Variants in SERPINI2 observed in about 807,000 individuals in gnomAD.
SERPINI2 encodes the protein serpin I2.
A neutral mutation model predicts 47.3 loss-of-function variants in SERPINI2; 48 were observed. The observed-to-expected ratio is 1.02, with a 90% CI of 0.81 to 1.29. The LOEUF (loss-of-function observed/expected upper bound fraction) is 1.29, where lower values mean the gene tolerates loss of function less well. Among genes scored for constraint, SERPINI2 ranks in the 50% most tolerant of loss-of-function variants. The probability of loss-of-function intolerance (pLI) is 0.00; values close to 1 mark genes in which losing one functional copy is unlikely to be tolerated. For missense variants in SERPINI2, 448 were observed against 456.9 expected (o/e 0.98, Z 0.18); for synonymous variants, 135 against 149.3 (o/e 0.90, Z 0.70).
At chr3:167,462,555 C>T (rs1168487358) in intron 5 of SERPINI2, among the ~76,000 whole-genome samples, 1 of 152,198 alleles carries the variant, frequency 6.6e-6, no homozygotes, top group Non-Finnish European at 1.5e-5. Context: ...AATGACCTAA[C>T]TTTCATTACT....
At chr3:167,452,841 G>C in intron 6 of SERPINI2, 95 bp downstream of exon 6, 1 of 701,102 alleles carries the variant, frequency 1.4e-6, no homozygotes, top group Middle Eastern at 2.8e-4. Context: ...ATATTTATCA[G>C]AGCTGAATGC....
intron 2 of SERPINI2, among the ~76,000 whole-genome samples, chr3:167,467,989 T>C (rs535299112): frequency 6.6e-6 from 1 of 152,302 alleles, no homozygotes; most frequent in South Asian, 2.1e-4. Flanking sequence ...TTTTGGACTG[T>C]TCTGACTGTA....
At chr3:167,462,915 AG>A (rs1750024715) in intron 5 of SERPINI2, among the ~76,000 whole-genome samples, 2 of 152,220 alleles carry the variant, frequency 1.3e-5, no homozygotes, top group African/African-American at 4.8e-5. Flanking sequence ...CATTCCTCTA[AG>A]GATTCCTAAA....
intron 8 of SERPINI2, among the ~76,000 whole-genome samples, chr3:167,445,177 A>G (rs748348659): frequency 1.1e-4 from 16 of 152,182 alleles, no homozygotes. Flanking sequence ...GTCTCTCAGC[A>G]TTAGTTTCAT....
chr3:167,468,720 A>G (rs925849540), intron 2 of SERPINI2, among the ~76,000 whole-genome samples: 1 of 152,182 alleles, frequency 6.6e-6, no homozygotes, highest in Non-Finnish European at 1.5e-5. Context: ...CATTTTACTT[A>G]TTTGTACAAT....
intron 6 of SERPINI2, among the ~76,000 whole-genome samples, chr3:167,451,672 T>C (rs2108155539): frequency 6.6e-6 from 1 of 152,372 alleles, no homozygotes; most frequent in South Asian, 2.1e-4. Context: ...GGAAGTATTT[T>C]CTTTAAAAAT....
At chr3:167,461,390 G>T (rs1321075175) in intron 5 of SERPINI2, among the ~76,000 whole-genome samples, 1 of 152,140 alleles carries the variant, frequency 6.6e-6, no homozygotes, top group Admixed American at 6.5e-5. Flanking sequence ...TGGAAATGGG[G>T]AATACAACTG....
upstream of SERPINI2, among the ~76,000 whole-genome samples, chr3:167,476,757 G>A (rs1750490152): frequency 6.6e-6 from 1 of 152,006 alleles, no homozygotes; most frequent in Non-Finnish European, 1.5e-5. Flanking sequence ...GCTGAGGGTA[G>A]AAAAGGTGCA....
intron 5 of SERPINI2, 85 bp from the exon 6 acceptor site, chr3:167,453,118 T>A (rs1749688735): frequency 1.6e-6 from 1 of 619,504 alleles, no homozygotes; most frequent in African/African-American, 1.9e-5. Context: ...ACTTAGAGGA[T>A]AATATATTGT....
rs564347300 is a variant in SERPINI2 at position 167,467,506 on chromosome 3, A to G, written c.248-221T>C. ...CTTTTATATAGAAAAAAGAATGTCC[A>G]TGCAAATTTGAAATTTGTCAAAAAA... is the stretch of plus-strand genomic sequence containing the variant. On this transcript the variant is annotated intron_variant, in intron 2 of 8. Transcript: ENST00000264677. 4.6e-3 allele frequency among the ~76,000 whole-genome samples: 699 copies of G among 152,310 alleles called. 5 individuals carry two copies. The highest frequency in any genetic ancestry group is 0.016 in the African/African-American group (677 of 41,590).
rs545300853 is a variant in SERPINI2 at position 167,469,994 on chromosome 3, G to T, written c.247+1594C>A. 1.1e-4 allele frequency among the ~76,000 whole-genome samples: 17 copies of T among 152,128 alleles called. No individual in the cohort carries two copies. In the South Asian group the frequency reaches 3.3e-3, roughly 30 times the overall value. On this transcript the variant is annotated intron_variant, in intron 2 of 8. Coordinates refer to ENST00000264677, the Ensembl canonical transcript of SERPINI2. ...TGGCTGATATCCTTTCTATATTTTT[G>T]ATAGTGCGTTATTACTATTACTTTA...
exon 9 of SERPINI2, chr3:167,442,100 G>A (rs1195773179): frequency 1.9e-6 from 3 of 1,585,442 alleles, no homozygotes; most frequent in Non-Finnish European, 2.6e-6. Flanking sequence ...CTGAGGCTGT[G>A]CTTTTCATTC....
intron 8 of SERPINI2, among the ~76,000 whole-genome samples, chr3:167,443,753 G>A (rs887286516): frequency 1.8e-4 from 28 of 152,086 alleles, no homozygotes; most frequent in African/African-American, 6.8e-4. Flanking sequence ...AAACCCATTA[G>A]TCCCAGCCTT....
At chr3:167,460,317 C>T (rs879918868) in intron 5 of SERPINI2, among the ~76,000 whole-genome samples, 2 of 152,194 alleles carry the variant, frequency 1.3e-5, no homozygotes, top group Admixed American at 6.5e-5. Context: ...ATTGAGCCTA[C>T]GTTGTTTTCT....
At chr3:167,476,556 C>T (rs1249591413), upstream of SERPINI2, among the ~76,000 whole-genome samples, 2 of 151,986 alleles carry the variant, frequency 1.3e-5, no homozygotes, top group East Asian at 1.9e-4. Flanking sequence ...TCTGTATGAA[C>T]CAGACTATCT....
chr3:167,457,042 C>T (rs1749814009), intron 5 of SERPINI2, among the ~76,000 whole-genome samples: 1 of 152,062 alleles, frequency 6.6e-6, no homozygotes, highest in Non-Finnish European at 1.5e-5. Context: ...ATATTATTTT[C>T]AGTAATCTGG....
chr3:167,443,262 C>T (rs1412450099), intron 8 of SERPINI2, among the ~76,000 whole-genome samples: 1 of 152,220 alleles, frequency 6.6e-6, no homozygotes, highest in Middle Eastern at 3.4e-3. Context: ...TGCCCGCCAC[C>T]ACGCCTGGCT....
intron 5 of SERPINI2, among the ~76,000 whole-genome samples, chr3:167,459,078 G>GTTTTTTTTTTTTTTTTTTTT (rs536122299): frequency 1.4e-4 from 20 of 139,022 alleles, no homozygotes; most frequent in African/African-American, 5.3e-4. Context: ...GTTTTTTTTT[G>GTTTTTTTTTTTTTTTTTTTT]TTTTTTTTTT....
chr3:167,454,351 C>T (rs975067590), intron 5 of SERPINI2, among the ~76,000 whole-genome samples: 3 of 152,144 alleles, frequency 2.0e-5, no homozygotes, highest in Admixed American at 6.5e-5. Context: ...CCCTATCTAC[C>T]TGGGAATGGA....
Sources: allele counts gnomAD v4.1 joint callset (sites outside exome capture counted in the v4.1 genomes callset), GRCh38; gene constraint gnomAD v4.1.1; transcripts MANE v1.5; gene names NCBI Gene and HGNC (gene_info 2026-07-23, HGNC 2026-07-21).